ADARB2: variants seen among roughly 807,000 people sequenced by gnomAD.
ADARB2 encodes the protein adenosine deaminase RNA specific B2 (inactive), also known as inactive double-stranded RNA-specific editase B2.
A neutral mutation model predicts 62.2 loss-of-function variants in ADARB2; 25 were observed. The observed-to-expected ratio is 0.40, with a 90% confidence interval of 0.29 to 0.56. The LOEUF is 0.56. Ranked by LOEUF, ADARB2 falls within the 20% of genes least tolerant of loss-of-function variation. The pLI is 0.43. For missense variants in ADARB2, 1,071 were observed against 1,077.4 expected (o/e 0.99, Z 0.08); for synonymous variants, 572 against 500.8 (o/e 1.14, Z -1.90).
rs555208965 is a variant in ADARB2, at chr10:1,494,927, C to G, written c.101-115767G>C. Among the ~76,000 whole-genome samples the G allele has an allele frequency of 6.0e-4, 91 of 152,258 alleles. 1 individual carries two copies. The South Asian group carries it at 0.017, about 28-fold the overall frequency. On this transcript the variant is annotated intron_variant, in intron 1 of 9. Coordinates refer to ENST00000381312, the MANE Select transcript of ADARB2 (RefSeq NM_018702.4). Reference sequence around the variant, plus strand: ...TCTCTCCTACTTTGAAAATCTGGAGCTATCTCTTGCTAAAAACATAAAAGA... The same window carrying G: ...TCTCTCCTACTTTGAAAATCTGGAGGTATCTCTTGCTAAAAACATAAAAGA...
At chr10:1,381,696 A>G (rs980998836) in intron 1 of ADARB2, among the ~76,000 whole-genome samples, 6 of 152,242 alleles carry the variant, frequency 3.9e-5, no homozygotes, top group African/African-American at 1.4e-4. Flanking sequence ...ACCAGTGTGC[A>G]TGAAACTGGA....
chr10:1,474,268 G>A (rs146914619), intron 1 of ADARB2, among the ~76,000 whole-genome samples: 81 of 152,332 alleles, frequency 5.3e-4, no homozygotes, highest in Middle Eastern at 3.4e-3. Flanking sequence ...CAGGGAAATC[G>A]AGGGTAAAAC....
intron 1 of ADARB2, among the ~76,000 whole-genome samples, chr10:1,689,593 T>C (rs1834643152): frequency 2.0e-5 from 3 of 152,216 alleles, no homozygotes; most frequent in Non-Finnish European, 4.4e-5. Flanking sequence ...TCCCACCTCA[T>C]AGACCTGCCT....
intron 6 of ADARB2, among the ~76,000 whole-genome samples, chr10:1,229,734 T>G (rs1209564348): frequency 9.4e-5 from 2 of 21,316 alleles, no homozygotes; most frequent in African/African-American, 6.2e-4. Flanking sequence ...GCACTTGTGC[T>G]TGTTTGTATG....
intron 1 of ADARB2, among the ~76,000 whole-genome samples, chr10:1,487,795 G>A (rs2131929297): frequency 6.6e-6 from 1 of 152,272 alleles, no homozygotes; most frequent in Non-Finnish European, 1.5e-5. Flanking sequence ...AACCAAGAGT[G>A]GTCAGAAAAA....
At chr10:1,658,260 TTCTC>T (rs777946026) in intron 1 of ADARB2, among the ~76,000 whole-genome samples, 9 of 151,750 alleles carry the variant, frequency 5.9e-5, no homozygotes, top group African/African-American at 9.7e-5. Context: ...CTCTGTCTGA[TTCTC>T]TCTGTTTTTC....
intron 1 of ADARB2, chr10:1,394,899 C>T: frequency 2.2e-6 from 1 of 456,732 alleles, no homozygotes; most frequent in Non-Finnish European, 4.4e-6. Flanking sequence ...TTTTCTTCCT[C>T]CCTCCTCCTC....
intron 3 of ADARB2, among the ~76,000 whole-genome samples, chr10:1,326,281 G>C (rs1360451856): frequency 1.3e-5 from 2 of 152,178 alleles, no homozygotes; most frequent in Non-Finnish European, 2.9e-5. Context: ...CTGGGGAAGT[G>C]CCTTGGTAAC....
intron 1 of ADARB2, chr10:1,556,815 CT>C: frequency 1.9e-6 from 1 of 534,544 alleles, no homozygotes; most frequent in Admixed American, 1.9e-5. Flanking sequence ...GAAGCATATG[CT>C]GCAGACACTT....
chr10:1,580,749 T>TCCTTCTGTTCCTCCCTCCTTCC (rs1833087532), intron 1 of ADARB2, among the ~76,000 whole-genome samples: 1 of 152,164 alleles, frequency 6.6e-6, no homozygotes, highest in South Asian at 2.1e-4. Flanking sequence ...TCCGCCATGC[T>TCCTTCTGTTCCTCCCTCCTTCC]CCTTCTGTTC....
chr10:1,479,176 A>G (rs1404158852), intron 1 of ADARB2, among the ~76,000 whole-genome samples: 1 of 152,200 alleles, frequency 6.6e-6, no homozygotes, highest in African/African-American at 2.4e-5. Flanking sequence ...TACAGAGTCC[A>G]ATTCTTAAGG....
rs181647183 is a variant in ADARB2, at chr10:1,208,698, G to C, written c.1682+8253C>G. Among the ~76,000 whole-genome samples the C allele has an allele frequency of 2.6e-5, 4 of 152,346 alleles. No homozygotes were observed. In the East Asian group the frequency reaches 7.7e-4, roughly 29 times the overall value. ...TCTTAGCCACCAGGCAGCACCCATGGGCTCTTAAGTGGTCATGTAATTATC... is the reference window on the plus strand; with the variant it reads ...TCTTAGCCACCAGGCAGCACCCATGCGCTCTTAAGTGGTCATGTAATTATC... On this transcript the variant is annotated intron_variant, in intron 7 of 9. Coordinates refer to ENST00000381312, the MANE Select transcript of ADARB2 (RefSeq NM_018702.4).
At chr10:1,694,859 G>A (rs1361644686) in intron 1 of ADARB2, among the ~76,000 whole-genome samples, 1 of 152,132 alleles carries the variant, frequency 6.6e-6, no homozygotes, top group Middle Eastern at 3.2e-3. Context: ...CACAGCAAAG[G>A]TGAGGCCTGT....
At chr10:1,296,995 G>A (rs184586206) in intron 3 of ADARB2, among the ~76,000 whole-genome samples, 22 of 152,198 alleles carry the variant, frequency 1.4e-4, no homozygotes, top group East Asian at 3.9e-4. Flanking sequence ...GTAATCTTTC[G>A]TGTTTTCCTT....
intron 1 of ADARB2, among the ~76,000 whole-genome samples, chr10:1,613,488 G>T (rs111771928): frequency 5.9e-5 from 9 of 152,254 alleles, no homozygotes; most frequent in African/African-American, 2.2e-4. Flanking sequence ...CCAGCAGCAG[G>T]GTGGGGTAAC....
At chr10:1,405,649 A>G (rs951651487) in intron 1 of ADARB2, among the ~76,000 whole-genome samples, 2 of 151,886 alleles carry the variant, frequency 1.3e-5, no homozygotes, top group African/African-American at 2.4e-5. Flanking sequence ...AAAAAAAAAA[A>G]AAAATTTAAG....
chr10:1,247,966 C>T (rs908427158), intron 4 of ADARB2, among the ~76,000 whole-genome samples: 1 of 152,158 alleles, frequency 6.6e-6, no homozygotes, highest in Non-Finnish European at 1.5e-5. Flanking sequence ...GGGGTGAGGC[C>T]ATGCCAAGCC....
chr10:1,639,755 T>G (rs1356573265), intron 1 of ADARB2, among the ~76,000 whole-genome samples: 1 of 152,090 alleles, frequency 6.6e-6, no homozygotes. Flanking sequence ...GGCAGGGGAA[T>G]CACTTGAACC....
At chr10:1,598,242 G>A (rs1230407007) in intron 1 of ADARB2, among the ~76,000 whole-genome samples, 2 of 152,056 alleles carry the variant, frequency 1.3e-5, no homozygotes, top group Non-Finnish European at 2.9e-5. Context: ...TTCCAGAGGT[G>A]GGTGCACTGG....
Sources: gnomAD v4.1 joint callset for allele counts (sites outside exome capture counted in the v4.1 genomes callset) on GRCh38, gnomAD v4.1.1 for gene constraint, MANE v1.5 for transcripts, NCBI Gene and HGNC (gene_info 2026-07-23, HGNC 2026-07-21) for gene names.